The following FER variants were observed in gnomAD, a reference collection of about 807,000 sequenced individuals.
FER encodes the protein FER tyrosine kinase.
In FER, 63 loss-of-function variants were observed where a neutral mutation model predicts 111.0. The ratio of observed to expected loss-of-function variants is 0.57; its 90% confidence interval spans 0.46 to 0.70. The LOEUF is 0.70. Ranked by LOEUF, FER falls within the 30% of genes least tolerant of loss-of-function variation. The pLI, the probability that FER is intolerant of heterozygous loss-of-function variation, is 0.00. For missense variants in FER, 914 were observed against 954.0 expected, an observed-to-expected ratio of 0.96 and a Z score of 0.55; for synonymous variants, 327 against 313.9, an observed-to-expected ratio of 1.04 and a Z score of -0.44.
intron 5 of FER, among the ~76,000 whole-genome samples, chr5:108,846,735 A>G (rs1446571683): frequency 6.6e-6 from 1 of 152,044 alleles, no homozygotes; most frequent in Non-Finnish European, 1.5e-5. Flanking sequence ...GGCACCTGCC[A>G]CCACGCCCGG....
At chr5:109,093,245 G>A (rs1278115157) in intron 16 of FER, among the ~76,000 whole-genome samples, 1 of 152,140 alleles carries the variant, frequency 6.6e-6, no homozygotes, top group African/African-American at 2.4e-5. Flanking sequence ...TAAATTTATT[G>A]TGTAAATTTA....
chr5:108,935,312 A>G (rs1057163608), intron 10 of FER, among the ~76,000 whole-genome samples: 3 of 152,158 alleles, frequency 2.0e-5, no homozygotes, highest in African/African-American at 7.2e-5. Flanking sequence ...AGATCCTATC[A>G]TTCCTTGGTT....
chr5:108,955,331 A>G (rs1758300189), intron 12 of FER, among the ~76,000 whole-genome samples: 1 of 151,726 alleles, frequency 6.6e-6, no homozygotes, highest in Non-Finnish European at 1.5e-5. Flanking sequence ...TGGTGCCATG[A>G]AAGATTTTTA....
chr5:108,998,171 C>T (rs569943618), intron 13 of FER, among the ~76,000 whole-genome samples: 1 of 147,378 alleles, frequency 6.8e-6, no homozygotes, highest in Non-Finnish European at 1.5e-5. Context: ...GTTCCAGGCA[C>T]CACCGGGGTA....
At chr5:109,099,104 T>C (rs1477092505) in intron 16 of FER, among the ~76,000 whole-genome samples, 1 of 151,594 alleles carries the variant, frequency 6.6e-6, no homozygotes, top group Admixed American at 6.6e-5. Flanking sequence ...TGGCTTAATA[T>C]CTGGGGGCCT....
chr5:109,052,376 C>G, intron 16 of FER: 2 of 1,572,754 alleles, frequency 1.3e-6, no homozygotes, highest in Non-Finnish European at 1.8e-6. Flanking sequence ...ATGAAAAGTA[C>G]TGACAGCCAC....
intron 13 of FER, among the ~76,000 whole-genome samples, chr5:109,021,219 G>C (rs982798627): frequency 6.6e-6 from 1 of 151,900 alleles, no homozygotes; most frequent in African/African-American, 2.4e-5. Flanking sequence ...TTAGATTTTA[G>C]CCGGTGTGCT....
intron 2 of FER, among the ~76,000 whole-genome samples, chr5:108,795,548 C>CT (rs746408464): frequency 3.3e-5 from 5 of 151,514 alleles, no homozygotes; most frequent in South Asian, 2.1e-4. Context: ...CTCTTTTATT[C>CT]TTTTTTTTAA....
Position 108,872,125 on chromosome 5 carries a change from T to G in FER, c.836T>G (p.Phe279Cys). ...TTAAKEQEIE[F>C]DTSLLEENEN... is the part of the protein sequence containing the mutation. ...GCTGCTAAAGAACAAGAAATAGAGTTTGATACTTCCTTACTGGAAGAAAAT... is the reference window on the plus strand; with the variant it reads ...GCTGCTAAAGAACAAGAAATAGAGTGTGATACTTCCTTACTGGAAGAAAAT... The change falls in exon 8 of 20, where the codon TTT (phenylalanine) becomes TGT (cysteine). Residue 279 changes from phenylalanine (F) to cysteine (C), a missense_variant. Physicochemically the swap from Phe to Cys is radical, Grantham distance 205. Around this residue, in one of 3 missense-constraint regions of FER, gnomAD observed 774 missense variants for 782.6 expected, o/e 0.99. Coordinates refer to ENST00000281092, the MANE Select transcript of FER (RefSeq NM_005246.4). 1 of 1,611,390 alleles carries G rather than the reference T, an allele frequency of 6.2e-7. No homozygotes were observed. The highest frequency in any genetic ancestry group is 8.5e-7 in the Non-Finnish European group (1 of 1,178,748).
intron 13 of FER, among the ~76,000 whole-genome samples, chr5:109,034,788 C>T (rs1274974896): frequency 6.6e-6 from 1 of 152,054 alleles, no homozygotes; most frequent in Non-Finnish European, 1.5e-5. Flanking sequence ...GAAAAGCTGT[C>T]CAAGAATCAG....
chr5:109,114,905 G>T (rs952603031), intron 17 of FER, among the ~76,000 whole-genome samples: 1 of 151,862 alleles, frequency 6.6e-6, no homozygotes, highest in South Asian at 2.1e-4. Flanking sequence ...CTTCTAAAAT[G>T]AAGGTCTTGT....
At chr5:109,134,209 C>T (rs1438815089) in intron 17 of FER, among the ~76,000 whole-genome samples, 1 of 151,744 alleles carries the variant, frequency 6.6e-6, no homozygotes, top group Non-Finnish European at 1.5e-5. Flanking sequence ...GCTCGAATAC[C>T]CAAAGAAAAG....
intron 11 of FER, among the ~76,000 whole-genome samples, chr5:108,951,769 A>G (rs1005178315): frequency 6.6e-6 from 1 of 152,128 alleles, no homozygotes; most frequent in African/African-American, 2.4e-5. Flanking sequence ...TTTTAATAGA[A>G]TCTAGACCAG....
intron 16 of FER, among the ~76,000 whole-genome samples, chr5:109,049,560 A>G (rs1459807282): frequency 6.6e-6 from 1 of 151,382 alleles, no homozygotes; most frequent in African/African-American, 2.4e-5. Context: ...GCTAAAGAAT[A>G]CTCTCTACTT....
chr5:109,056,425 C>T (rs1419190638), intron 16 of FER, among the ~76,000 whole-genome samples: 1 of 152,084 alleles, frequency 6.6e-6, no homozygotes, highest in Non-Finnish European at 1.5e-5. Flanking sequence ...TGTCAAAACA[C>T]AGATGAGCCT....
chr5:109,121,296 A>G (rs904524392), intron 17 of FER, among the ~76,000 whole-genome samples: 1 of 152,092 alleles, frequency 6.6e-6, no homozygotes, highest in African/African-American at 2.4e-5. Flanking sequence ...GAGGGTTTTT[A>G]TCATGAAAAC....
intron 16 of FER, among the ~76,000 whole-genome samples, chr5:109,093,743 T>C (rs1747121526): frequency 1.3e-5 from 2 of 152,218 alleles, no homozygotes; most frequent in Non-Finnish European, 2.9e-5. Context: ...GAAGCTTGAA[T>C]TGATGCCTTC....
chr5:108,857,196 A>G (rs1351375882), intron 5 of FER, among the ~76,000 whole-genome samples: 1 of 152,106 alleles, frequency 6.6e-6, no homozygotes, highest in East Asian at 1.9e-4. Context: ...ACGTAAATGT[A>G]TATTTATTCA....
At chr5:108,787,263 T>G (rs2150013368) in intron 2 of FER, among the ~76,000 whole-genome samples, 1 of 152,298 alleles carries the variant, frequency 6.6e-6, no homozygotes, top group South Asian at 2.1e-4. Context: ...GGTGCTGATA[T>G]GCCAGCCCCT....
Sources: allele counts gnomAD v4.1 joint callset (sites outside exome capture counted in the v4.1 genomes callset), GRCh38; gene constraint gnomAD v4.1.1; regional missense constraint gnomAD v4.1.1; transcripts MANE v1.5; gene names NCBI Gene and HGNC (gene_info 2026-07-23, HGNC 2026-07-21).